Variants in LEKR1 observed in about 807,000 individuals in gnomAD.
The protein encoded by LEKR1 is leucine, glutamate and lysine rich 1.
Under a neutral mutation model 72.4 loss-of-function variants are expected in LEKR1, and 59 were observed. The observed-to-expected ratio is 0.82, with a 90% CI of 0.66 to 1.01. LEKR1 has a LOEUF of 1.01. LEKR1 is among the 50% of genes least tolerant of loss of function. The probability of loss-of-function intolerance (pLI) is 0.00; values close to 1 mark genes in which losing one functional copy is unlikely to be tolerated. For synonymous variants in LEKR1, 257 were observed against 263.2 expected (o/e 0.98, Z 0.23); for missense variants, 728 against 759.2 (o/e 0.96, Z 0.48).
Position 157,045,500 on chromosome 3 carries a change from C to T in LEKR1, c.1829C>T (p.Pro610Leu). 6.2e-7 allele frequency: 1 copy of T among 1,614,156 alleles called. No homozygotes were observed. The highest frequency in any genetic ancestry group is 8.5e-7 in the Non-Finnish European group (1 of 1,180,014). The change falls in exon 13 of 13, where the codon CCT (proline) becomes CTT (leucine). Residue 610 changes from proline (P) to leucine (L), a missense_variant. Transcript: ENST00000356539. ...CTCAGCAAGGGCAGCCTAACCTCCC[C>T]TGCTGCAGCAGTCAGTAATCATGGA... Reference protein sequence around the residue: ...CSLSKGSLTSPAAAVSNHGER... With the variant: ...CSLSKGSLTSLAAAVSNHGER...
At chr3:156,983,130 A>C (rs968731034) in intron 7 of LEKR1, among the ~76,000 whole-genome samples, 1 of 152,192 alleles carries the variant, frequency 6.6e-6, no homozygotes, top group African/African-American at 2.4e-5. Context: ...AAGATAGATA[A>C]ATAAGCCTTA....
At chr3:156,937,922 A>G (rs185525400) in intron 5 of LEKR1, among the ~76,000 whole-genome samples, 2 of 152,344 alleles carry the variant, frequency 1.3e-5, no homozygotes, top group Admixed American at 6.5e-5. Context: ...AAAAGTTTAC[A>G]TAAGATATGA....
rs555241642 is a variant in LEKR1, at chr3:157,024,564, T to C, written c.1204-196T>C. Among the ~76,000 whole-genome samples, 5 of 152,338 alleles carry C rather than the reference T, an allele frequency of 3.3e-5. No individual in the cohort carries two copies. In the South Asian group the frequency reaches 1.0e-3, roughly 32 times the overall value. ...TAATTTTTCAGGTCTTAGAAGGTGG[T>C]GGAATATTTGGCACAAGGTCAATTT... On this transcript the variant is annotated intron_variant, in intron 10 of 12. Coordinates refer to ENST00000356539, the MANE Select transcript of LEKR1 (RefSeq NM_001004316.3).
intron 6 of LEKR1, among the ~76,000 whole-genome samples, chr3:156,977,244 T>C (rs1729774888): frequency 6.6e-6 from 1 of 152,172 alleles, no homozygotes; most frequent in Admixed American, 6.5e-5. Context: ...GGTGGTATGG[T>C]CTGTCCCCTT....
intron 3 of LEKR1, among the ~76,000 whole-genome samples, chr3:156,879,775 C>T (rs1011800987): frequency 2.0e-5 from 3 of 152,168 alleles, no homozygotes; most frequent in African/African-American, 7.2e-5. Context: ...ACACACTAGC[C>T]ATGGCTAAAA....
chr3:157,007,976 ACT>A lies in LEKR1; in HGVS notation c.1110-3434_1110-3433del, dbSNP rs1161406569. 7.9e-5 allele frequency among the ~76,000 whole-genome samples: 12 copies of A among 152,298 alleles called. No individual in the cohort carries two copies. The East Asian group carries it at 1.7e-3, about 22-fold the overall frequency. The stretch of plus-strand genomic sequence containing the variant: ...AGCTAGATCGCATTAGAGGAAGATG[ACT>A]CTGCAAAGGAGACAGGAATGGCCAG... On this transcript the variant is annotated intron_variant, in intron 9 of 12. Coordinates refer to ENST00000356539, the MANE Select transcript of LEKR1 (RefSeq NM_001004316.3).
At chr3:156,849,100 T>G (rs900862722) in intron 2 of LEKR1, among the ~76,000 whole-genome samples, 2 of 152,010 alleles carry the variant, frequency 1.3e-5, no homozygotes, top group Non-Finnish European at 1.5e-5. Context: ...ACAAGCATTC[T>G]TATACACCAA....
At chr3:156,861,683 C>T (rs1453429555) in intron 3 of LEKR1, among the ~76,000 whole-genome samples, 1 of 152,012 alleles carries the variant, frequency 6.6e-6, no homozygotes, top group Non-Finnish European at 1.5e-5. Flanking sequence ...CTCCAGTAGA[C>T]ACAGGGCCAT....
At chr3:156,986,962 C>T (rs1730742098) in intron 7 of LEKR1, among the ~76,000 whole-genome samples, 2 of 151,960 alleles carry the variant, frequency 1.3e-5, no homozygotes, top group Non-Finnish European at 2.9e-5. Flanking sequence ...AATGGCTGTT[C>T]CATATAAGCG....
intron 3 of LEKR1, among the ~76,000 whole-genome samples, chr3:156,911,554 AGTTAGCT>A (rs1723110434): frequency 6.6e-6 from 1 of 151,928 alleles, no homozygotes; most frequent in South Asian, 2.1e-4. Flanking sequence ...TGCTTTGAAG[AGTTAGCT>A]GTAAATTCTT....
At chr3:157,013,486 T>C (rs1419483964) in intron 10 of LEKR1, among the ~76,000 whole-genome samples, 1 of 152,164 alleles carries the variant, frequency 6.6e-6, no homozygotes, top group East Asian at 1.9e-4. Flanking sequence ...AATGATTCTA[T>C]ATAATATTCT....
At chr3:156,993,478 G>A (rs1282475091) in intron 9 of LEKR1, among the ~76,000 whole-genome samples, 1 of 151,568 alleles carries the variant, frequency 6.6e-6, no homozygotes, top group South Asian at 2.1e-4. Context: ...TACATGACTT[G>A]GTAAAGTTGC....
intron 4 of LEKR1, among the ~76,000 whole-genome samples, chr3:156,921,282 A>G (rs1316420874): frequency 6.6e-6 from 1 of 152,118 alleles, no homozygotes; most frequent in South Asian, 2.1e-4. Flanking sequence ...TAGCTCTTAG[A>G]AAAGGGAAGG....
In LEKR1 at chr3:157,016,183, G is replaced by A. The variant is rs563559431; in HGVS notation, c.1203+4677G>A. The stretch of plus-strand genomic sequence containing the variant: ...CAAAAAAAATTGAAGAAATAATGAC[G>A]GAAAGTTTTACAAATTTAATGAAAA... On this transcript the variant is annotated intron_variant, in intron 10 of 12. Transcript: ENST00000356539. 9.3e-4 allele frequency among the ~76,000 whole-genome samples: 141 copies of A among 151,806 alleles called. 5 individuals carry two copies. Among genetic ancestry groups the A allele is most frequent in the Non-Finnish European group, 6.3e-4 (43 of 67,918 alleles).
At chr3:156,925,405 A>G (rs1326599020) in intron 4 of LEKR1, 2 of 150,976 alleles carry the variant, frequency 1.3e-5, no homozygotes, top group Admixed American at 6.6e-5. Flanking sequence ...ACCTCTACTC[A>G]TTTAGTTGTA....
intron 6 of LEKR1, among the ~76,000 whole-genome samples, chr3:156,959,539 C>A (rs1349001406): frequency 1.3e-5 from 2 of 152,140 alleles, no homozygotes; most frequent in Non-Finnish European, 2.9e-5. Flanking sequence ...TTCTCTGCCC[C>A]ACCTTCTATC....
At chr3:156,897,543 G>C (rs1721318188) in intron 3 of LEKR1, among the ~76,000 whole-genome samples, 1 of 152,082 alleles carries the variant, frequency 6.6e-6, no homozygotes, top group Non-Finnish European at 1.5e-5. Context: ...TGGTGGGGGC[G>C]GGGGGAGGCT....
At chr3:156,932,603 C>T (rs528823074) in intron 5 of LEKR1, among the ~76,000 whole-genome samples, 7 of 149,448 alleles carry the variant, frequency 4.7e-5, no homozygotes, top group Admixed American at 1.3e-4. Flanking sequence ...ACTCCAGCTA[C>T]TTGGGAGGCT....
chr3:156,979,354 A>G, intron 7 of LEKR1, 79 bp downstream of exon 7: 4 of 630,558 alleles, frequency 6.3e-6, no homozygotes, highest in South Asian at 1.5e-5. Flanking sequence ...GGAAGAAATG[A>G]CAAGAATTAT....
Sources: gnomAD v4.1 joint callset for allele counts (sites outside exome capture counted in the v4.1 genomes callset) on GRCh38, gnomAD v4.1.1 for gene constraint, MANE v1.5 for transcripts, NCBI Gene and HGNC (gene_info 2026-07-23, HGNC 2026-07-21) for gene names.